Variants in RIMS2 observed in about 807,000 individuals in gnomAD.
RIMS2 encodes regulating synaptic membrane exocytosis 2.
RIMS2 carries 59 observed loss-of-function variants against 174.4 expected under a neutral mutation model. That is an observed-to-expected ratio of 0.34 (90% confidence interval 0.27 to 0.42). The LOEUF (loss-of-function observed/expected upper bound fraction) is 0.42. RIMS2 is among the 10% of genes least tolerant of loss of function. The pLI is 1.00. For missense variants in RIMS2, 1,620 were observed against 1,666.3 expected (o/e 0.97, Z 0.48); for synonymous variants, 606 against 572.5 (o/e 1.06, Z -0.84).
rs776440355 is a variant in RIMS2 at position 103,897,176 on chromosome 8, G to C, written c.1624+10953G>C. ...GGCCTATTAATTAGCCAAGCCATTT[G>C]CCCTGCCTATGTGTTTGTATATATT... On this transcript the variant is annotated intron_variant, in intron 4 of 23. Transcript: ENST00000504942. Among the ~76,000 whole-genome samples, 118 of 151,502 alleles carry C rather than the reference G, an allele frequency of 7.8e-4. 5 individuals are homozygous for C. The highest frequency in any genetic ancestry group is 2.6e-3 in the African/African-American group (108 of 41,042).
chr8:103,780,914 AT>A (rs1022012307), intron 3 of RIMS2, among the ~76,000 whole-genome samples: 21 of 146,650 alleles, frequency 1.4e-4, no homozygotes, highest in Admixed American at 2.7e-4. Flanking sequence ...TTACCTGTTG[AT>A]TTTTTTTTTC....
intron 16 of RIMS2, among the ~76,000 whole-genome samples, chr8:103,983,880 G>C (rs546892034): frequency 6.6e-6 from 1 of 152,200 alleles, no homozygotes; most frequent in African/African-American, 2.4e-5. Flanking sequence ...GGCAAACAAA[G>C]CAAAAGTAGA....
At chr8:103,545,325 C>CAA (rs377639404) in intron 1 of RIMS2, among the ~76,000 whole-genome samples, 3 of 148,884 alleles carry the variant, frequency 2.0e-5, no homozygotes, top group African/African-American at 7.4e-5. Flanking sequence ...AAATTAAAAA[C>CAA]AAAAAAAAAC....
In RIMS2 at chr8:103,940,094, A is replaced by AT. The variant is rs1292280032; in HGVS notation, c.2548-2671dup. Among the ~76,000 whole-genome samples the AT allele has an allele frequency of 7.2e-5, 11 of 151,974 alleles. No homozygotes were observed. The South Asian group carries it at 1.5e-3, about 20-fold the overall frequency. On this transcript the variant is annotated intron_variant, in intron 13 of 23. Coordinates refer to ENST00000504942, the Ensembl canonical transcript of RIMS2. Reference sequence around the variant, plus strand: ...CCAAAGCACTTCCACATTTTCAGGTATTTTTTTTAGCAGTGTCTCACTGTA... The same window carrying AT: ...CCAAAGCACTTCCACATTTTCAGGTATTTTTTTTTAGCAGTGTCTCACTGTA...
chr8:104,185,395 A>C (rs2098962692), intron 19 of RIMS2, among the ~76,000 whole-genome samples: 1 of 151,614 alleles, frequency 6.6e-6, no homozygotes. Context: ...ATTATTTCCA[A>C]AGGGCCAAAA....
At chr8:104,053,469 C>G (rs892680521) in intron 19 of RIMS2, among the ~76,000 whole-genome samples, 8 of 152,088 alleles carry the variant, frequency 5.3e-5, no homozygotes, top group Non-Finnish European at 1.2e-4. Flanking sequence ...AGTATAAGAA[C>G]TAGTTCTGAC....
intron 1 of RIMS2, among the ~76,000 whole-genome samples, chr8:103,534,075 G>A (rs1395522756): frequency 1.3e-5 from 2 of 152,178 alleles, no homozygotes; most frequent in Non-Finnish European, 2.9e-5. Context: ...ACACTGGATG[G>A]CTTTGGAAAT....
intron 3 of RIMS2, among the ~76,000 whole-genome samples, chr8:103,770,304 A>G (rs1204106034): frequency 6.6e-6 from 1 of 152,158 alleles, no homozygotes; most frequent in East Asian, 1.9e-4. Context: ...GTCCGGGTGC[A>G]ATGGCTTATG....
chr8:103,551,562 C>A (rs930524496), intron 1 of RIMS2, among the ~76,000 whole-genome samples: 4 of 152,150 alleles, frequency 2.6e-5, no homozygotes, highest in African/African-American at 9.7e-5. Context: ...CCCTCTCTCA[C>A]CACTCCTATT....
intron 1 of RIMS2, among the ~76,000 whole-genome samples, chr8:103,518,760 T>C (rs1046320879): frequency 6.6e-6 from 1 of 152,136 alleles, no homozygotes; most frequent in Non-Finnish European, 1.5e-5. Flanking sequence ...TCTGATGACT[T>C]AGTGTAAAAA....
At chr8:104,148,903 T>A (rs2098667115) in intron 19 of RIMS2, 55 bp downstream of exon 25, 1 of 1,537,004 alleles carries the variant, frequency 6.5e-7, no homozygotes. Context: ...TTACAAGATA[T>A]ATTTCTTTTC....
chr8:103,506,339 C>T lies in RIMS2; in HGVS notation c.176+5277C>T, dbSNP rs142270315. On this transcript the variant is annotated intron_variant, in intron 1 of 23. Transcript: ENST00000504942. ...TTGATAAAGAACTAATTATATTGTGCGATGAAGAAAGAGATAGTGGAAGCA... is the reference window on the plus strand; with the variant it reads ...TTGATAAAGAACTAATTATATTGTGTGATGAAGAAAGAGATAGTGGAAGCA... Among the ~76,000 whole-genome samples, 9 of 152,068 alleles carry T rather than the reference C, an allele frequency of 5.9e-5. No homozygotes were observed. The East Asian group carries it at 7.7e-4, about 13-fold the overall frequency.
chr8:104,238,095 T>C (rs1420841518), intron 19 of RIMS2, among the ~76,000 whole-genome samples: 1 of 152,142 alleles, frequency 6.6e-6, no homozygotes, highest in Non-Finnish European at 1.5e-5. Flanking sequence ...GTGGCACATA[T>C]ACACCATGGA....
At chr8:104,109,777 G>T (rs1264747367) in intron 19 of RIMS2, among the ~76,000 whole-genome samples, 1 of 152,094 alleles carries the variant, frequency 6.6e-6, no homozygotes, top group African/African-American at 2.4e-5. Flanking sequence ...AGTACCAAAA[G>T]ATTTCATTAT....
At chr8:103,881,135 CTTAAT>C (rs540938499) in intron 3 of RIMS2, among the ~76,000 whole-genome samples, 27 of 151,340 alleles carry the variant, frequency 1.8e-4, no homozygotes, top group Non-Finnish European at 3.4e-4. Flanking sequence ...ATAGGTAGTA[CTTAAT>C]TTAATAATAT....
intron 1 of RIMS2, among the ~76,000 whole-genome samples, chr8:103,565,526 G>T (rs2092245878): frequency 6.6e-6 from 1 of 152,004 alleles, no homozygotes; most frequent in African/African-American, 2.4e-5. Flanking sequence ...GGCTGGTCTC[G>T]AATATCCGAG....
At chr8:103,546,196 A>G (rs183061531) in intron 1 of RIMS2, among the ~76,000 whole-genome samples, 81 of 152,306 alleles carry the variant, frequency 5.3e-4, no homozygotes, top group African/African-American at 1.9e-3. Context: ...AAATCTACCA[A>G]GCAAATGGAA....
intron 17 of RIMS2, among the ~76,000 whole-genome samples, chr8:103,999,211 G>T (rs1249332294): frequency 6.6e-6 from 1 of 151,682 alleles, no homozygotes; most frequent in East Asian, 1.9e-4. Context: ...TAATAAAATA[G>T]TTTATAAAAT....
At chr8:103,541,917 C>T (rs1448376035) in intron 1 of RIMS2, among the ~76,000 whole-genome samples, 2 of 151,850 alleles carry the variant, frequency 1.3e-5, no homozygotes, top group East Asian at 1.9e-4. Flanking sequence ...TCATGGTAAC[C>T]ACAAAATGAA....
Sources: allele counts gnomAD v4.1 joint callset (sites outside exome capture counted in the v4.1 genomes callset), GRCh38; gene constraint gnomAD v4.1.1; transcripts MANE v1.5; gene names NCBI Gene and HGNC (gene_info 2026-07-23, HGNC 2026-07-21).